TMEM154: variants seen among roughly 807,000 people sequenced by gnomAD.
The protein encoded by TMEM154 is transmembrane protein 154.
In TMEM154, 27 loss-of-function variants were observed where a neutral mutation model predicts 24.5. The observed-to-expected ratio is 1.10, with a 90% CI of 0.81 to 1.52. The LOEUF (loss-of-function observed/expected upper bound fraction) is 1.52. Ranked by LOEUF, TMEM154 falls within the 40% of genes most tolerant of loss-of-function variation. The pLI is 0.00. For synonymous variants in TMEM154, 67 were observed against 76.8 expected (o/e 0.87, Z 0.67); for missense variants, 228 against 213.4 (o/e 1.07, Z -0.43).
Position 152,679,993 on chromosome 4 carries a change from A to C in TMEM154, c.-60T>G. ...CTGCGCCGGGCTGCAGCCTCTCTGA[A>C]ACGTGAACATTTCCTGTTTCCTGCT... On this transcript the variant is annotated 5_prime_UTR_variant, in exon 1 of 7. Coordinates refer to ENST00000304385, the MANE Select transcript of TMEM154 (RefSeq NM_152680.3). 5 of 1,495,844 alleles carry C rather than the reference A, an allele frequency of 3.3e-6. No individual in the cohort carries two copies. The highest frequency in any genetic ancestry group is 4.6e-6 in the Non-Finnish European group (5 of 1,089,954). The allele number at this position is 1,495,844 out of a possible 1,614,324, so 92.7% of individuals were successfully genotyped here. A position where few individuals can be genotyped will look rare whatever the true frequency, so the allele number is the denominator to read the frequency against.
chr4:152,662,604 AT>A (rs36120970), intron 1 of TMEM154, among the ~76,000 whole-genome samples: 2 of 151,868 alleles, frequency 1.3e-5, no homozygotes, highest in Non-Finnish European at 2.9e-5. Flanking sequence ...AGCTCAAGGG[AT>A]TTCCCCCAAA....
rs531335213 is a variant in TMEM154, at chr4:152,618,745, A to G, written c.*9801T>C. ...CCACCTCCACTTGCTTGTTAGTTCA[A>G]TTATGATCGTTCTCTGCTTCCTTCC... On this transcript the variant is annotated 3_prime_UTR_variant, in exon 7 of 7. Coordinates refer to ENST00000304385, the MANE Select transcript of TMEM154 (RefSeq NM_152680.3). 3.3e-5 allele frequency: 5 copies of G among 152,176 alleles called. No individual in the cohort carries two copies. Among genetic ancestry groups the G allele is most frequent in the Non-Finnish European group, 5.9e-5 (4 of 68,026 alleles). 9.4% of individuals were successfully genotyped at this position (152,176 alleles called of 1,614,324 possible). A position where few individuals can be genotyped will look rare whatever the true frequency, so the allele number is the denominator to read the frequency against.
intron 5 of TMEM154, among the ~76,000 whole-genome samples, chr4:152,641,686 T>G (rs2149780574): frequency 6.7e-6 from 1 of 149,452 alleles, no homozygotes; most frequent in East Asian, 1.9e-4. Flanking sequence ...TTTTGCATTT[T>G]CCAAATTCTA....
chr4:152,665,136 T>G (rs892813150), intron 1 of TMEM154, among the ~76,000 whole-genome samples: 40 of 152,150 alleles, frequency 2.6e-4, no homozygotes, highest in African/African-American at 8.9e-4. Flanking sequence ...ATCACTTGAG[T>G]CCAGTCCAAG....
Position 152,641,903 on chromosome 4 carries a change from CTTTTTTTTTTTTTT to C in TMEM154, c.479-932_479-919del, listed in dbSNP as rs780465309. Among the ~76,000 whole-genome samples the C allele has an allele frequency of 1.5e-3, 63 of 41,486 alleles. 2 individuals are homozygous for C. The highest frequency in any genetic ancestry group is 1.4e-3 in the Non-Finnish European group (35 of 24,928). 27.2% of individuals were successfully genotyped at this position (41,486 alleles called of 152,430 possible). On this transcript the variant is annotated intron_variant, in intron 5 of 6. Transcript: ENST00000304385. ...TGATAAGCCTCTGGTAGCAATAATT[CTTTTTTTTTTTTTT>C]TTTTTTTTTTTTTTTTTTTTGTTGA... is the stretch of plus-strand genomic sequence containing the variant.
chr4:152,666,925 C>T (rs1728732847), intron 1 of TMEM154: 1 of 152,326 alleles, frequency 6.6e-6, no homozygotes, highest in South Asian at 2.1e-4. Context: ...GACACCATTG[C>T]TCATGGACTG....
At chr4:152,678,837 G>C (rs1729004585) in intron 1 of TMEM154, among the ~76,000 whole-genome samples, 1 of 152,204 alleles carries the variant, frequency 6.6e-6, no homozygotes, top group Admixed American at 6.5e-5. Context: ...ATGCCTGGGG[G>C]ACCACATGGA....
chr4:152,634,149 T>C (rs1181908985), intron 6 of TMEM154, among the ~76,000 whole-genome samples: 1 of 152,190 alleles, frequency 6.6e-6, no homozygotes, highest in Non-Finnish European at 1.5e-5. Flanking sequence ...TTGTATTGTT[T>C]TCTTTAAGAA....
chr4:152,643,221 C>T lies in TMEM154; in HGVS notation c.393-48G>A, dbSNP rs148980700. 5.0e-3 allele frequency: 6,815 copies of T among 1,355,384 alleles called. 40 individuals carry two copies. Among genetic ancestry groups the T allele is most frequent in the Middle Eastern group, 0.014 (76 of 5,540 alleles). The allele number at this position is 1,355,384 out of a possible 1,614,324, so 84.0% of individuals were successfully genotyped here. ...TTGTTAGAAAGAAATGTGAAAGATG[C>T]CTAATTTCATTTGGAAAGAGACTAG... On this transcript the variant is annotated intron_variant, in intron 4 of 6. Transcript: ENST00000304385.
chr4:152,677,042 A>G (rs988860751), intron 1 of TMEM154, among the ~76,000 whole-genome samples: 5 of 152,222 alleles, frequency 3.3e-5, no homozygotes, highest in African/African-American at 9.6e-5. Context: ...CCCCTGCCCC[A>G]CTTTACTCCA....
chr4:152,645,002 C>T (rs1752331038), intron 3 of TMEM154, among the ~76,000 whole-genome samples: 1 of 152,168 alleles, frequency 6.6e-6, no homozygotes, highest in Admixed American at 6.5e-5. Context: ...CTCGGGGAGG[C>T]CTTCCCCACC....
At chr4:152,674,096 C>A (rs1195328332) in intron 1 of TMEM154, among the ~76,000 whole-genome samples, 1 of 151,860 alleles carries the variant, frequency 6.6e-6, no homozygotes, top group Non-Finnish European at 1.5e-5. Context: ...CTTTTAAATG[C>A]ATAAAGAAAT....
Position 152,659,712 on chromosome 4 carries a change from A to G in TMEM154, c.65-6785T>C, listed in dbSNP as rs189466647. Among the ~76,000 whole-genome samples, 4 of 152,322 alleles carry G rather than the reference A, an allele frequency of 2.6e-5. No homozygotes were observed. The East Asian group carries it at 7.7e-4, about 29-fold the overall frequency. On this transcript the variant is annotated intron_variant, in intron 1 of 6. Transcript: ENST00000304385. ...CTTCTGAGTTAAGTGGCTTTGTCCT[A>G]CATTTACAGTAGTCCCCCATTATCC... is the stretch of plus-strand genomic sequence containing the variant.
Position 152,636,797 on chromosome 4 carries a change from C to G in TMEM154, c.536+4131G>C, listed in dbSNP as rs187020045. ...TAGATAACAGAGGTTCTATGTCAGG[C>G]ATGTCTTTCTAGCATCAAGGAAAGT... On this transcript the variant is annotated intron_variant, in intron 6 of 6. Coordinates refer to ENST00000304385, the MANE Select transcript of TMEM154 (RefSeq NM_152680.3). Among the ~76,000 whole-genome samples, 1,040 of 152,288 alleles carry G rather than the reference C, an allele frequency of 6.8e-3. 8 individuals are homozygous for G. Among genetic ancestry groups the G allele is most frequent in the Non-Finnish European group, 8.6e-3 (584 of 68,024 alleles).
rs140581389 is a variant in TMEM154, at chr4:152,674,200, C to A, written c.64+5670G>T. ...AAATTCGGAGTTATATCTACCAATG[C>A]GCATTTCCTCAACAAAGGTGTGGGC... is the stretch of plus-strand genomic sequence containing the variant. On this transcript the variant is annotated intron_variant, in intron 1 of 6. Coordinates refer to ENST00000304385, the MANE Select transcript of TMEM154 (RefSeq NM_152680.3). 7.9e-3 allele frequency among the ~76,000 whole-genome samples: 1,208 copies of A among 152,042 alleles called. 14 individuals carry two copies. The highest frequency in any genetic ancestry group is 0.027 in the African/African-American group (1,100 of 41,442).
chr4:152,640,138 C>T (rs1752228851), intron 6 of TMEM154, among the ~76,000 whole-genome samples: 1 of 152,274 alleles, frequency 6.6e-6, no homozygotes, highest in South Asian at 2.1e-4. Flanking sequence ...GAGGATTTAT[C>T]CTGCCTGAAG....
chr4:152,674,727 C>T (rs552069388), intron 1 of TMEM154, among the ~76,000 whole-genome samples: 42 of 152,238 alleles, frequency 2.8e-4, no homozygotes, highest in Non-Finnish European at 1.3e-4. Flanking sequence ...GGGGTATATT[C>T]GAAAAGAATT....
intron 6 of TMEM154, 75 bp downstream of exon 6, chr4:152,640,853 A>T: frequency 7.5e-7 from 1 of 1,333,444 alleles, no homozygotes. Flanking sequence ...GGTAAGCAAA[A>T]AGTGTTCCAC....
intron 1 of TMEM154, among the ~76,000 whole-genome samples, chr4:152,654,106 C>T (rs1021106442): frequency 2.0e-5 from 3 of 152,008 alleles, no homozygotes; most frequent in Admixed American, 1.3e-4. Context: ...GGACTACTGA[C>T]TTGATGACTA....
Sources: gnomAD v4.1 joint callset for allele counts (sites outside exome capture counted in the v4.1 genomes callset) on GRCh38, gnomAD v4.1.1 for gene constraint, MANE v1.5 for transcripts, NCBI Gene and HGNC (gene_info 2026-07-23, HGNC 2026-07-21) for gene names.